The following MCTP1 variants were observed in gnomAD, a reference collection of about 807,000 sequenced individuals.
The protein encoded by MCTP1 is multiple C2 and transmembrane domain containing 1.
Under a neutral mutation model 120.6 loss-of-function variants are expected in MCTP1, and 69 were observed. That is an observed-to-expected ratio of 0.57 (90% CI 0.47 to 0.70). MCTP1 has a LOEUF of 0.70. MCTP1 is among the 30% of genes least tolerant of loss of function. The probability of loss-of-function intolerance (pLI) is 0.00; values close to 1 mark genes in which losing one functional copy is unlikely to be tolerated. For missense variants in MCTP1, 1,203 were observed against 1,248.8 expected (o/e 0.96, Z 0.55); for synonymous variants, 529 against 493.1 (o/e 1.07, Z -0.96).
intron 1 of MCTP1, among the ~76,000 whole-genome samples, chr5:95,221,631 C>T (rs1753707645): frequency 6.6e-6 from 1 of 152,188 alleles, no homozygotes; most frequent in African/African-American, 2.4e-5. Flanking sequence ...CAAAATTTAG[C>T]CTCATGTTTA....
chr5:94,764,958 C>G (rs1025283719), intron 19 of MCTP1, among the ~76,000 whole-genome samples: 9 of 151,928 alleles, frequency 5.9e-5, no homozygotes, highest in Non-Finnish European at 1.2e-4. Context: ...TTCTCATCAG[C>G]ACATGGGACA....
intron 17 of MCTP1, among the ~76,000 whole-genome samples, chr5:94,832,755 T>C (rs1459240734): frequency 6.6e-6 from 1 of 152,198 alleles, no homozygotes; most frequent in African/African-American, 2.4e-5. Context: ...TCTGAATTTA[T>C]TGTGGGCCCT....
intron 12 of MCTP1, among the ~76,000 whole-genome samples, chr5:94,882,055 T>G (rs1300021674): frequency 6.6e-6 from 1 of 152,168 alleles, no homozygotes; most frequent in Non-Finnish European, 1.5e-5. Flanking sequence ...TTTTCTTTAT[T>G]CTCTATGGTT....
intron 1 of MCTP1, among the ~76,000 whole-genome samples, chr5:95,051,368 G>A (rs1172194766): frequency 1.3e-5 from 2 of 152,018 alleles, no homozygotes; most frequent in Non-Finnish European, 2.9e-5. Context: ...CAATCATTAA[G>A]ACACTACAGA....
chr5:95,262,381 A>T (rs561085429), intron 1 of MCTP1, among the ~76,000 whole-genome samples: 90 of 152,308 alleles, frequency 5.9e-4, no homozygotes, highest in African/African-American at 2.1e-3. Flanking sequence ...CATAAGGTAA[A>T]CACTCTGTAA....
At chr5:94,813,618 G>A (rs1330718244) in intron 17 of MCTP1, among the ~76,000 whole-genome samples, 1 of 152,110 alleles carries the variant, frequency 6.6e-6, no homozygotes, top group Non-Finnish European at 1.5e-5. Flanking sequence ...ATACTATTCA[G>A]TAATAAAAAG....
chr5:95,278,605 T>C (rs1001754188), intron 1 of MCTP1, among the ~76,000 whole-genome samples: 57 of 152,186 alleles, frequency 3.7e-4, no homozygotes, highest in African/African-American at 1.3e-3. Context: ...CAGGGAAATA[T>C]GTGATTTTTA....
At chr5:95,265,476 C>T (rs932721333) in intron 1 of MCTP1, among the ~76,000 whole-genome samples, 21 of 152,212 alleles carry the variant, frequency 1.4e-4, no homozygotes, top group Admixed American at 9.8e-4. Flanking sequence ...GAGAACTGCC[C>T]TCTAACAAAG....
In MCTP1 at chr5:95,274,633, T is replaced by C. The variant is rs1382615831; in HGVS notation, c.720+9223A>G. Among the ~76,000 whole-genome samples, 3 of 151,894 alleles carry C rather than the reference T, an allele frequency of 2.0e-5. No homozygotes were observed. The East Asian group carries it at 5.8e-4, about 29-fold the overall frequency. On this transcript the variant is annotated intron_variant, in intron 1 of 22. Transcript: ENST00000515393. ...TTCTCCAATTACTGCTTTCTTTTTT[T>C]CTTTTTTTGAGACGAAGTCTTGCTC...
chr5:95,102,777 G>GATACATT (rs1370907574), intron 1 of MCTP1, among the ~76,000 whole-genome samples: 1 of 152,210 alleles, frequency 6.6e-6, no homozygotes, highest in Non-Finnish European at 1.5e-5. Context: ...TTAAGGAGGT[G>GATACATT]ATACATTAGC....
In MCTP1 at chr5:94,725,471, T is replaced by C. The variant is rs554836914; in HGVS notation, c.2611-10585A>G. On this transcript the variant is annotated intron_variant, in intron 19 of 22. Transcript: ENST00000515393. Reference sequence around the variant, plus strand: ...CAAATGCTGGGCTAGGTTTTTTGTGTGTGTTTCTTAAATCTCAACTTCTAA... The same window carrying C: ...CAAATGCTGGGCTAGGTTTTTTGTGCGTGTTTCTTAAATCTCAACTTCTAA... Among the ~76,000 whole-genome samples the C allele has an allele frequency of 1.1e-4, 16 of 152,328 alleles. No individual in the cohort carries two copies. In the East Asian group the frequency reaches 3.1e-3, roughly 29 times the overall value.
chr5:95,017,372 C>T lies in MCTP1; in HGVS notation c.833G>A (p.Arg278Gln), dbSNP rs551791227. 1.5e-5 allele frequency: 24 copies of T among 1,601,624 alleles called. No individual in the cohort carries two copies. In the South Asian group the frequency reaches 1.9e-4, roughly 13 times the overall value. ...TATTGCTCTTATGCTCTTACCTCCT[C>T]GATCTCGAGCAGCTAAACTTTGACC... ...RRGQSLAARD[R>Q]GGTSDPYVKF... The change falls in exon 2 of 23, where the codon CGA (arginine) becomes CAA (glutamine). Residue 278 changes from arginine to glutamine, a missense_variant. Physicochemically the swap from Arg to Gln is conservative, Grantham distance 43 (BLOSUM62 1). Coordinates refer to ENST00000515393, the MANE Select transcript of MCTP1 (RefSeq NM_024717.7).
At chr5:94,765,778 C>T (rs183316229) in intron 19 of MCTP1, among the ~76,000 whole-genome samples, 2 of 147,300 alleles carry the variant, frequency 1.4e-5, no homozygotes, top group Non-Finnish European at 3.0e-5. Context: ...AAATAAAACA[C>T]TGGTTTTTTT....
At chr5:94,817,018 T>A (rs1784597102) in intron 17 of MCTP1, among the ~76,000 whole-genome samples, 1 of 152,154 alleles carries the variant, frequency 6.6e-6, no homozygotes, top group Non-Finnish European at 1.5e-5. Flanking sequence ...TGATAACAGG[T>A]ACTGAAAACC....
intron 19 of MCTP1, among the ~76,000 whole-genome samples, chr5:94,752,230 C>T (rs974586137): frequency 4.1e-5 from 6 of 146,978 alleles, no homozygotes; most frequent in South Asian, 2.2e-4. Flanking sequence ...CAGGGAAGAG[C>T]GCTTGTAACT....
chr5:94,861,033 C>A (rs1004152797), intron 17 of MCTP1, among the ~76,000 whole-genome samples: 3 of 151,722 alleles, frequency 2.0e-5, no homozygotes, highest in African/African-American at 4.8e-5. Flanking sequence ...TCTTTCCTTG[C>A]CTCTTAGTTT....
intron 2 of MCTP1, among the ~76,000 whole-genome samples, chr5:94,990,541 G>A (rs558357612): frequency 2.9e-4 from 44 of 152,286 alleles, no homozygotes; most frequent in African/African-American, 1.0e-3. Context: ...CTAGCTCAAG[G>A]AGGGCTCCAG....
At chr5:94,830,417 T>C (rs1077294) in intron 17 of MCTP1, among the ~76,000 whole-genome samples, 2 of 152,216 alleles carry the variant, frequency 1.3e-5, no homozygotes, top group Non-Finnish European at 2.9e-5. Context: ...TTAATATTTA[T>C]TTTTAAAAAG....
At chr5:94,961,093 TA>T (rs996318355) in intron 2 of MCTP1, among the ~76,000 whole-genome samples, 1 of 152,026 alleles carries the variant, frequency 6.6e-6, no homozygotes, top group African/African-American at 2.4e-5. Context: ...TATGCAGTCA[TA>T]AAAAAGAATG....
Sources: allele counts gnomAD v4.1 joint callset (sites outside exome capture counted in the v4.1 genomes callset), GRCh38; gene constraint gnomAD v4.1.1; transcripts MANE v1.5; gene names NCBI Gene and HGNC (gene_info 2026-07-23, HGNC 2026-07-21).